ZNF638: variants seen among roughly 807,000 people sequenced by gnomAD.
ZNF638 encodes the protein CTCL tumor antigen se33-1.
Under a neutral mutation model 195.6 loss-of-function variants are expected in ZNF638, and 46 were observed. That is an observed-to-expected ratio of 0.24 (90% CI 0.19 to 0.30). ZNF638 has a LOEUF of 0.30. Ranked by LOEUF, ZNF638 falls within the 10% of genes least tolerant of loss-of-function variation. The pLI is 1.00. For missense variants in ZNF638, 2,440 were observed against 2,325.3 expected (o/e 1.05, Z -1.01); for synonymous variants, 845 against 772.0 (o/e 1.09, Z -1.57).
Position 71,423,691 on chromosome 2 carries a change from A to G in ZNF638, c.4177A>G (p.Ser1393Gly). The G allele has an allele frequency of 6.2e-7, 1 of 1,613,878 alleles. No individual in the cohort carries two copies. The highest frequency in any genetic ancestry group is 1.1e-5 in the South Asian group (1 of 91,080). ...AVSDVSSSKPSIKAVIVSSPK... is the reference protein window; with the variant it reads ...AVSDVSSSKPGIKAVIVSSPK... ...ATCAGATGTATCTAGCAGTAAACCA[A>G]GCATCAAGGCTGTTATAGTCTCTTC... Residue 1393 changes from serine to glycine, a missense_variant, in exon 22 of 28, where the codon AGC becomes GGC. Transcript: ENST00000264447.
chr2:71,356,546 T>C (rs1006920046), intron 3 of ZNF638, among the ~76,000 whole-genome samples: 6 of 152,158 alleles, frequency 3.9e-5, no homozygotes, highest in Admixed American at 2.6e-4. Flanking sequence ...TCTGAGCACT[T>C]TGGAAGGCTG....
chr2:71,345,927 A>G (rs1026343472), intron 1 of ZNF638, among the ~76,000 whole-genome samples: 6 of 152,324 alleles, frequency 3.9e-5, no homozygotes, highest in Admixed American at 2.0e-4. Flanking sequence ...AGAGTACTCT[A>G]GTATTCTGGA....
chr2:71,340,678 T>C (rs2078748131), intron 1 of ZNF638, among the ~76,000 whole-genome samples: 1 of 152,148 alleles, frequency 6.6e-6, no homozygotes, highest in African/African-American at 2.4e-5. Flanking sequence ...TATAGGGTGG[T>C]TTTTCTTTTT....
chr2:71,357,242 A>G (rs1332595577), intron 3 of ZNF638, among the ~76,000 whole-genome samples: 6 of 152,146 alleles, frequency 3.9e-5, no homozygotes, highest in African/African-American at 9.7e-5. Context: ...TAAACACATT[A>G]TAGTGGCTGT....
chr2:71,399,075 A>G (rs1398330860), intron 12 of ZNF638, among the ~76,000 whole-genome samples: 1 of 151,948 alleles, frequency 6.6e-6, no homozygotes, highest in African/African-American at 2.4e-5. Flanking sequence ...CTTTTTTTAG[A>G]GTTGTCAATT....
rs184452166 is a variant in ZNF638, at chr2:71,367,908, G to A, written c.1996-474G>A. On this transcript the variant is annotated intron_variant, in intron 6 of 27. Transcript: ENST00000264447. ...TAAGCGGTAAAGTTGATACTACAGTGTATTCAAATGGTATGCATTATATAT... is the reference window on the plus strand; with the variant it reads ...TAAGCGGTAAAGTTGATACTACAGTATATTCAAATGGTATGCATTATATAT... 1.9e-3 allele frequency among the ~76,000 whole-genome samples: 284 copies of A among 152,178 alleles called. No homozygotes were observed. In the Middle Eastern group the frequency reaches 0.024, roughly 13 times the overall value.
intron 20 of ZNF638, among the ~76,000 whole-genome samples, chr2:71,410,975 C>G: frequency 1.0e-5 from 1 of 96,328 alleles, no homozygotes; most frequent in Non-Finnish European, 2.0e-5. Context: ...TTCTCCCCAC[C>G]CACCACCTCC....
In ZNF638 at chr2:71,396,125, T is replaced by C. The variant is rs757973486; in HGVS notation, c.2378-16T>C. On this transcript the variant is annotated splice_polypyrimidine_tract_variant and intron_variant, in intron 10 of 27. Coordinates refer to ENST00000264447, the MANE Select transcript of ZNF638 (RefSeq NM_014497.5). ...ATTTGTAATGTAGTACTTAAATGTT[T>C]TTCTTGTTGTTTTAGCCAAAACTGG... 8 of 1,611,124 alleles carry C rather than the reference T, an allele frequency of 5.0e-6. No individual in the cohort carries two copies. The Admixed American group carries it at 8.4e-5, about 17-fold the overall frequency.
chr2:71,386,405 C>T (rs1398785388), intron 10 of ZNF638, among the ~76,000 whole-genome samples: 3 of 151,846 alleles, frequency 2.0e-5, no homozygotes, highest in Admixed American at 1.3e-4. Flanking sequence ...TGTTAAAAGC[C>T]AGCATATGTT....
At chr2:71,366,077 A>G (rs1014134566) in intron 6 of ZNF638, among the ~76,000 whole-genome samples, 12 of 152,178 alleles carry the variant, frequency 7.9e-5, no homozygotes, top group African/African-American at 2.4e-4. Context: ...GTTGCCAGGC[A>G]TGGTGGCTTA....
intron 16 of ZNF638, 55 bp from the exon 17 acceptor site, chr2:71,403,815 T>A (rs372025735): frequency 7.5e-7 from 1 of 1,330,606 alleles, no homozygotes; most frequent in Non-Finnish European, 1.0e-6. Flanking sequence ...CAAGTCTGTT[T>A]TTGAGAAAAA....
intron 2 of ZNF638, among the ~76,000 whole-genome samples, chr2:71,353,078 G>C (rs1423045690): frequency 6.6e-6 from 1 of 152,024 alleles, no homozygotes; most frequent in Non-Finnish European, 1.5e-5. Flanking sequence ...TTGCAGCCTC[G>C]TAAGTGTTCC....
chr2:71,418,505 T>A, intron 20 of ZNF638, 97 bp from the exon 21 acceptor site: 3 of 857,918 alleles, frequency 3.5e-6, no homozygotes, highest in Non-Finnish European at 5.1e-6. Flanking sequence ...AAGGTTTTTT[T>A]TTTTGAGCTT....
chr2:71,381,380 G>A (rs1169836007), intron 10 of ZNF638, among the ~76,000 whole-genome samples: 1 of 152,092 alleles, frequency 6.6e-6, no homozygotes, highest in Admixed American at 6.5e-5. Context: ...TCCCCGTAAT[G>A]TTTAGTTGTA....
chr2:71,402,236 TA>T, intron 16 of ZNF638, 149 bp downstream of exon 16: 3 of 762,620 alleles, frequency 3.9e-6, no homozygotes, highest in Admixed American at 3.6e-5. Context: ...AAAACACAGA[TA>T]TCCTGTATTT....
At chr2:71,410,973 A>ACC (rs1558876322) in intron 20 of ZNF638, among the ~76,000 whole-genome samples, 24 of 49,602 alleles carry the variant, frequency 4.8e-4, no homozygotes, top group African/African-American at 6.8e-4. Flanking sequence ...TTTTCTCCCC[A>ACC]CCCACCACCT....
intron 1 of ZNF638, among the ~76,000 whole-genome samples, chr2:71,339,158 T>G (rs1172090075): frequency 2.2e-5 from 3 of 137,280 alleles, no homozygotes; most frequent in Non-Finnish European, 4.6e-5. Context: ...AGGTTTTTTT[T>G]TTTTTTTTTT....
intron 21 of ZNF638, among the ~76,000 whole-genome samples, chr2:71,420,918 T>G (rs970959670): frequency 8.5e-5 from 13 of 152,142 alleles, no homozygotes; most frequent in African/African-American, 2.9e-4. Flanking sequence ...AATTAAATAA[T>G]TCTTCTGAGT....
chr2:71,354,203 A>G (rs1340282579), intron 2 of ZNF638, among the ~76,000 whole-genome samples: 1 of 152,250 alleles, frequency 6.6e-6, no homozygotes, highest in Admixed American at 6.5e-5. Context: ...TTCCTTAAGC[A>G]AAGTGTTGAA....
Sources: gnomAD v4.1 joint callset for allele counts (sites outside exome capture counted in the v4.1 genomes callset) on GRCh38, gnomAD v4.1.1 for gene constraint, MANE v1.5 for transcripts, NCBI Gene and HGNC (gene_info 2026-07-23, HGNC 2026-07-21) for gene names.